The following ZNF614 variants were observed in gnomAD, a reference collection of about 807,000 sequenced individuals.
ZNF614 encodes zinc finger protein 614.
In ZNF614, 11 loss-of-function variants were observed where a neutral mutation model predicts 12.8. That is an observed-to-expected ratio of 0.86 (90% CI 0.54 to 1.43). The LOEUF is 1.43. ZNF614 is among the 40% of genes most tolerant of loss of function. The probability of loss-of-function intolerance (pLI) is 0.00; values close to 1 mark genes in which losing one functional copy is unlikely to be tolerated. For synonymous variants in ZNF614, 237 were observed against 237.5 expected (o/e 1.00, Z 0.02); for missense variants, 664 against 708.8 (o/e 0.94, Z 0.72).
Position 52,016,316 on chromosome 19 carries a change from T to A in ZNF614, c.1282A>T (p.Ile428Leu). Residue 428 changes from isoleucine to leucine, a missense_variant, in exon 5 of 5, where the codon ATA (isoleucine) becomes TTA (leucine). By Grantham distance (5) the Ile-to-Leu change is conservative (BLOSUM62 2). Coordinates refer to ENST00000270649, the MANE Select transcript of ZNF614 (RefSeq NM_025040.4). The stretch of plus-strand genomic sequence containing the variant: ...AAGCCTTTACCACATTCATTGCATA[T>A]GTAAGATTTCTCTCCTGTATGAGTT... Reference protein sequence around the residue: ...QRTHTGEKSYICNECGKGFTT... With the variant: ...QRTHTGEKSYLCNECGKGFTT... 1.2e-6 allele frequency: 2 copies of A among 1,614,034 alleles called. No homozygotes were observed. The highest frequency in any genetic ancestry group is 8.5e-7 in the Non-Finnish European group (1 of 1,179,970).
At chr19:52,021,738 GAA>G (rs796478082) in intron 2 of ZNF614, among the ~76,000 whole-genome samples, 24 of 124,556 alleles carry the variant, frequency 1.9e-4, no homozygotes, top group African/African-American at 5.2e-4. Context: ...CTCAAATAAA[GAA>G]AAAAAAAAAA....
At chr19:52,019,878 ATGCTATATTAC>A (rs1306666650) in intron 2 of ZNF614, among the ~76,000 whole-genome samples, 1 of 152,214 alleles carries the variant, frequency 6.6e-6, no homozygotes, top group Non-Finnish European at 1.5e-5. Flanking sequence ...AAGAGAATCT[ATGCTATATTAC>A]TGTGTGGGAT....
chr19:52,018,817 A>C (rs907557236), intron 2 of ZNF614, among the ~76,000 whole-genome samples: 2 of 152,214 alleles, frequency 1.3e-5, no homozygotes, highest in Non-Finnish European at 2.9e-5. Flanking sequence ...AAAAGATGAA[A>C]CTATATCTGT....
intron 4 of ZNF614, 122 bp from the exon 5 acceptor site, chr19:52,017,481 A>G (rs1361167943): frequency 1.1e-6 from 1 of 880,766 alleles, no homozygotes; most frequent in African/African-American, 1.7e-5. Context: ...AGGCGGGCAG[A>G]TCACGAGGTC....
At chr19:52,017,458 C>T in intron 4 of ZNF614, 99 bp from the exon 5 acceptor site, 1 of 1,178,960 alleles carries the variant, frequency 8.5e-7, no homozygotes, top group Non-Finnish European at 1.2e-6. Context: ...AATCCCAGCA[C>T]TTGGGGAGGC....
chr19:52,015,847 T>G lies in ZNF614; in HGVS notation c.1751A>C (p.Tyr584Ser). The change falls in exon 5 of 5, where the codon TAT (tyrosine) becomes TCT (serine). Residue 584 changes from tyrosine (Y) to serine (S), a missense_variant. Transcript: ENST00000270649. ...SCNGESQLLP[Y>S]K Reference sequence around the variant, plus strand: ...GTTTTCTTCTGCATGAGTTCACTTATAAGGAAGGAGCTGTGACTCTCCATT... The same window carrying G: ...GTTTTCTTCTGCATGAGTTCACTTAGAAGGAAGGAGCTGTGACTCTCCATT... 6.2e-7 allele frequency: 1 copy of G among 1,606,822 alleles called. No individual in the cohort carries two copies. The highest frequency in any genetic ancestry group is 1.7e-4 in the Middle Eastern group (1 of 6,004).
At chr19:52,018,144 A>T (rs776311895) in intron 3 of ZNF614, 41 bp from the exon 4 acceptor site, 36 of 1,542,624 alleles carry the variant, frequency 2.3e-5, no homozygotes, top group Non-Finnish European at 3.1e-5. Context: ...CCTGAATTGG[A>T]GTCCAGTATG....
chr19:52,017,323 G>A lies in ZNF614; in HGVS notation c.275C>T (p.Ser92Phe). Residue 92 changes from serine to phenylalanine, a missense_variant, in exon 5 of 5, where the codon TCT becomes TTT. Coordinates refer to ENST00000270649, the MANE Select transcript of ZNF614 (RefSeq NM_025040.4). The stretch of plus-strand genomic sequence containing the variant: ...GCTCTTCAGAAGTCTTTGGTTTGGA[G>A]AGTGCTCTTGCAGATGACTGTCAAC... The part of the protein sequence containing the change: ...GKVDSHLQEH[S>F]PNQRLLKSVQ... 1 of 1,608,610 alleles carries A rather than the reference G, an allele frequency of 6.2e-7. No homozygotes were observed.
At chr19:52,026,479 A>ACTACCCAGAGACAC (rs1434566736) in intron 1 of ZNF614, among the ~76,000 whole-genome samples, 1 of 152,152 alleles carries the variant, frequency 6.6e-6, no homozygotes, top group African/African-American at 2.4e-5. Context: ...TCTAATCTCA[A>ACTACCCAGAGACAC]CTACCCAGAG....
chr19:52,015,574 T>G lies in ZNF614; in HGVS notation c.*266A>C. The G allele has an allele frequency of 6.0e-6, 2 of 331,714 alleles. No individual in the cohort carries two copies. The highest frequency in any genetic ancestry group is 1.1e-5 in the Non-Finnish European group (2 of 181,110). 20.5% of individuals were successfully genotyped at this position (331,714 alleles called of 1,614,324 possible). On this transcript the variant is annotated 3_prime_UTR_variant, in exon 5 of 5. Coordinates refer to ENST00000270649, the MANE Select transcript of ZNF614 (RefSeq NM_025040.4). The stretch of plus-strand genomic sequence containing the variant: ...AATTATTGCTCAAAACATCTCCACA[T>G]TAATATAGTTTATTCAACGTATTTT...
chr19:52,015,281 AATG>A lies in ZNF614; in HGVS notation c.*556_*558del, dbSNP rs1203535441. On this transcript the variant is annotated 3_prime_UTR_variant, in exon 5 of 5. Coordinates refer to ENST00000270649, the MANE Select transcript of ZNF614 (RefSeq NM_025040.4). ...TTACTTTCTATGTGATCTCCTGACA[AATG>A]ATGAAGCAGAGTGCGTCGCTGAAAT... 6.6e-6 allele frequency: 1 copy of A among 152,366 alleles called. No homozygotes were observed. Among genetic ancestry groups the A allele is most frequent in the Non-Finnish European group, 1.5e-5 (1 of 68,212 alleles). 9.4% of individuals were successfully genotyped at this position (152,366 alleles called of 1,614,324 possible). A position where few individuals can be genotyped will look rare whatever the true frequency, so the allele number is the denominator to read the frequency against.
intron 2 of ZNF614, among the ~76,000 whole-genome samples, chr19:52,025,315 G>A (rs1568515842): frequency 6.6e-6 from 1 of 152,014 alleles, no homozygotes; most frequent in Non-Finnish European, 1.5e-5. Context: ...TTCATATTGA[G>A]TCTACTTTTT....
In ZNF614 at chr19:52,016,009, T is replaced by C. The variant is rs2086893822; in HGVS notation, c.1589A>G (p.Gln530Arg). Residue 530 changes from glutamine to arginine, a missense_variant, in exon 5 of 5, where the codon CAA (glutamine) becomes CGA (arginine). Coordinates refer to ENST00000270649, the MANE Select transcript of ZNF614 (RefSeq NM_025040.4). Reference protein sequence around the residue: ...FTTKSVLNVHQRTHTGERPYG... With the variant: ...FTTKSVLNVHRRTHTGERPYG... ...CGGCCTCTCTCCTGTATGCGTTCTT[T>C]GATGTACATTGAGTACTGACTTTGT... 5 of 1,614,204 alleles carry C rather than the reference T, an allele frequency of 3.1e-6. No individual in the cohort carries two copies. Among genetic ancestry groups the C allele is most frequent in the East Asian group, 2.2e-5 (1 of 44,890 alleles).
chr19:52,025,857 T>TA lies in ZNF614; in HGVS notation c.-113dup, dbSNP rs2086968295. The TA allele has an allele frequency of 1.7e-6, 2 of 1,160,418 alleles. No homozygotes were observed. The highest frequency in any genetic ancestry group is 2.5e-6 in the Non-Finnish European group (2 of 801,110). 71.9% of individuals were successfully genotyped at this position (1,160,418 alleles called of 1,614,324 possible). ...CTAGTCAGAAATATTAGTGTCCACT[T>TA]AAAGTTGTCCCCAGAAATTATGATA... On this transcript the variant is annotated 5_prime_UTR_variant, in exon 2 of 5. Transcript: ENST00000270649.
At position 52,014,425 on chromosome 19, in the gene ZNF614, C is replaced by T. The variant is rs180825554; in HGVS notation, c.*1415G>A. 2 of 152,350 alleles carry T rather than the reference C, an allele frequency of 1.3e-5. No homozygotes were observed. Among genetic ancestry groups the T allele is most frequent in the East Asian group, 1.9e-4 (1 of 5,188 alleles). 9.4% of individuals were successfully genotyped at this position (152,350 alleles called of 1,614,324 possible). A position where few individuals can be genotyped will look rare whatever the true frequency, so the allele number is the denominator to read the frequency against. ...AAGACTTCCCCCACATCAGATGCCA[C>T]TCACAAGGACAACCTGCAGTTCTGA... On this transcript the variant is annotated 3_prime_UTR_variant, in exon 5 of 5. Transcript: ENST00000270649.
chr19:52,028,031 G>A (rs2086986648), intron 1 of ZNF614, among the ~76,000 whole-genome samples: 1 of 152,184 alleles, frequency 6.6e-6, no homozygotes, highest in African/African-American at 2.4e-5. Context: ...CCCAACACCC[G>A]TAAAGGGTGA....
In ZNF614 at chr19:52,028,325, C is replaced by A. The variant is rs1305434122; in HGVS notation, c.-300G>T. On this transcript the variant is annotated 5_prime_UTR_variant, in exon 1 of 5. Coordinates refer to ENST00000270649, the MANE Select transcript of ZNF614 (RefSeq NM_025040.4). ...AAAACGCTTCCTATTCAGACGCGCT[C>A]CTGCGCGGACTCCGGGAAGCTGAGC... 1 of 151,528 alleles carries A rather than the reference C, an allele frequency of 6.6e-6. No individual in the cohort carries two copies. The highest frequency in any genetic ancestry group is 2.4e-5 in the African/African-American group (1 of 41,340). 9.4% of individuals were successfully genotyped at this position (151,528 alleles called of 1,614,324 possible).
rs1262538789 is a variant in ZNF614, at chr19:52,013,676, AAGTGGTTGGC to A, written c.*2154_*2163del. 3 of 152,208 alleles carry A rather than the reference AAGTGGTTGGC, an allele frequency of 2.0e-5. No homozygotes were observed. Among genetic ancestry groups the A allele is most frequent in the Non-Finnish European group, 4.4e-5 (3 of 68,050 alleles). The allele number at this position is 152,208 out of a possible 1,614,324, so 9.4% of individuals were successfully genotyped here. On this transcript the variant is annotated 3_prime_UTR_variant, in exon 5 of 5. Transcript: ENST00000270649. The stretch of plus-strand genomic sequence containing the variant: ...TGATGAAATTATACTGATAGGAGAA[AAGTGGTTGGC>A]AGAGTTAGGTTTGGATGGAGTGTAA...
rs1050945248 is a variant in ZNF614, at chr19:52,026,730, T to A, written c.-216-769A>T. ...CCTCCTCGTCCCTGGGAATGGAATG[T>A]CTCCGTGTAAAACCCCATTGTCTGT... On this transcript the variant is annotated intron_variant, in intron 1 of 4. Transcript: ENST00000270649. 2.6e-5 allele frequency among the ~76,000 whole-genome samples: 4 copies of A among 152,224 alleles called. No individual in the cohort carries two copies. In the East Asian group the frequency reaches 5.8e-4, roughly 22 times the overall value.
Sources: allele counts gnomAD v4.1 joint callset (sites outside exome capture counted in the v4.1 genomes callset), GRCh38; gene constraint gnomAD v4.1.1; transcripts MANE v1.5; gene names NCBI Gene and HGNC (gene_info 2026-07-23, HGNC 2026-07-21).